FAM13A: variants seen among roughly 807,000 people sequenced by gnomAD.
The protein encoded by FAM13A is protein FAM13A.
In FAM13A, 76 loss-of-function variants were observed where a neutral mutation model predicts 129.6. The observed-to-expected ratio is 0.59, with a 90% CI of 0.49 to 0.71. FAM13A has a LOEUF of 0.71. FAM13A is among the 30% of genes least tolerant of loss of function. FAM13A has a pLI of 0.00. For missense variants in FAM13A, 1,108 were observed against 1,249.3 expected, an observed-to-expected ratio of 0.89 and a Z score of 1.70; for synonymous variants, 443 against 449.9, an observed-to-expected ratio of 0.98 and a Z score of 0.20.
At chr4:88,780,707 A>G (rs1273399407) in intron 11 of FAM13A, among the ~76,000 whole-genome samples, 1 of 152,176 alleles carries the variant, frequency 6.6e-6, no homozygotes, top group East Asian at 1.9e-4. Context: ...AAGAGTACAG[A>G]TTTGAAACAA....
intron 4 of FAM13A, among the ~76,000 whole-genome samples, chr4:88,971,452 G>A (rs1760070605): frequency 6.6e-6 from 1 of 152,090 alleles, no homozygotes; most frequent in African/African-American, 2.4e-5. Context: ...GAACTGTTCT[G>A]AAAGACTGGG....
chr4:88,978,672 T>C (rs564779717), intron 4 of FAM13A, among the ~76,000 whole-genome samples: 55 of 152,126 alleles, frequency 3.6e-4, no homozygotes, highest in African/African-American at 1.1e-3. Flanking sequence ...TGGGCGCCTG[T>C]AGTCCCAGCT....
chr4:88,950,619 T>C (rs1174002174), intron 4 of FAM13A, among the ~76,000 whole-genome samples: 1 of 152,208 alleles, frequency 6.6e-6, no homozygotes, highest in East Asian at 1.9e-4. Flanking sequence ...GGGCTTGTTT[T>C]AATCCACTAC....
intron 3 of FAM13A, among the ~76,000 whole-genome samples, chr4:88,994,104 T>A (rs1763251597): frequency 1.3e-5 from 2 of 152,300 alleles, no homozygotes; most frequent in South Asian, 4.1e-4. Context: ...TTCCACAGCA[T>A]TTTTGTTTCC....
intron 1 of FAM13A, among the ~76,000 whole-genome samples, chr4:89,046,024 C>CAAAAAAAAAAAAAAAAAAAAAA: frequency 9.7e-6 from 1 of 103,476 alleles, no homozygotes; most frequent in Non-Finnish European, 2.0e-5. Flanking sequence ...AACTCCATCT[C>CAAAAAAAAAAAAAAAAAAAAAA]AAAAAAAAAA....
At chr4:88,979,672 G>C (rs1761398451) in intron 4 of FAM13A, among the ~76,000 whole-genome samples, 1 of 152,020 alleles carries the variant, frequency 6.6e-6, no homozygotes, top group African/African-American at 2.4e-5. Context: ...TATTATTATT[G>C]CCAAGAAAAA....
At chr4:88,873,731 A>G (rs926803328) in intron 6 of FAM13A, among the ~76,000 whole-genome samples, 1 of 152,228 alleles carries the variant, frequency 6.6e-6, no homozygotes, top group Non-Finnish European at 1.5e-5. Context: ...AGCTGGTACC[A>G]TTCCTTCTGA....
intron 21 of FAM13A, 185 bp from the exon 22 acceptor site, chr4:88,732,383 CATTTA>C: frequency 2.2e-6 from 1 of 452,374 alleles, no homozygotes; most frequent in Non-Finnish European, 3.9e-6. Flanking sequence ...TAAATATACA[CATTTA>C]ATAACACAAT....
intron 7 of FAM13A, among the ~76,000 whole-genome samples, chr4:88,849,361 A>G (rs1244647877): frequency 6.6e-6 from 1 of 152,100 alleles, no homozygotes; most frequent in Admixed American, 6.6e-5. Context: ...CTAACTCCCT[A>G]TGGTATCTAT....
intron 3 of FAM13A, among the ~76,000 whole-genome samples, chr4:88,994,528 C>T (rs528021341): frequency 2.0e-5 from 3 of 152,204 alleles, no homozygotes; most frequent in Admixed American, 6.5e-5. Context: ...TGCCTTCTGA[C>T]GCTTGCGAGA....
At chr4:88,737,659 TGC>T in intron 20 of FAM13A, 104 bp from the exon 21 acceptor site, 1 of 870,130 alleles carries the variant, frequency 1.1e-6, no homozygotes, top group Non-Finnish European at 1.9e-6. Flanking sequence ...CTTTTAACTC[TGC>T]ATTCTTATCC....
At chr4:88,778,724 G>C (rs1722266711) in intron 11 of FAM13A, among the ~76,000 whole-genome samples, 1 of 152,152 alleles carries the variant, frequency 6.6e-6, no homozygotes, top group Non-Finnish European at 1.5e-5. Flanking sequence ...AGAACTCAAT[G>C]GCTTCTCATC....
intron 14 of FAM13A, among the ~76,000 whole-genome samples, chr4:88,756,640 T>A (rs1743704216): frequency 6.6e-6 from 1 of 152,180 alleles, no homozygotes; most frequent in Non-Finnish European, 1.5e-5. Flanking sequence ...TGCACTGGCT[T>A]CACATTCACA....
At chr4:88,987,195 C>T (rs571414293) in intron 4 of FAM13A, among the ~76,000 whole-genome samples, 393 of 151,918 alleles carry the variant, frequency 2.6e-3, no homozygotes, top group African/African-American at 9.2e-3. Flanking sequence ...CAAGGGAAAG[C>T]TCTTCTTTAT....
chr4:88,921,440 C>G (rs1413740708), intron 5 of FAM13A, among the ~76,000 whole-genome samples: 2 of 152,112 alleles, frequency 1.3e-5, no homozygotes, highest in African/African-American at 4.8e-5. Flanking sequence ...AATTTCATAT[C>G]CAGCCAAACT....
At chr4:88,928,310 T>C (rs1454019919) in intron 5 of FAM13A, among the ~76,000 whole-genome samples, 1 of 152,152 alleles carries the variant, frequency 6.6e-6, no homozygotes, top group African/African-American at 2.4e-5. Flanking sequence ...GTATATTCCA[T>C]AGTTGTTGGG....
At chr4:88,945,463 CT>C (rs1388740133) in intron 4 of FAM13A, among the ~76,000 whole-genome samples, 1 of 152,122 alleles carries the variant, frequency 6.6e-6, no homozygotes, top group Non-Finnish European at 1.5e-5. Context: ...TCTTGCCCCT[CT>C]TAATTTTTCC....
intron 11 of FAM13A, among the ~76,000 whole-genome samples, chr4:88,777,296 C>A (rs1350922696): frequency 1.3e-5 from 2 of 152,014 alleles, no homozygotes; most frequent in African/African-American, 4.8e-5. Flanking sequence ...CTTACTTTGT[C>A]ATTTGAGCAG....
At chr4:89,043,489 T>C (rs1049995592) in intron 1 of FAM13A, among the ~76,000 whole-genome samples, 3 of 152,100 alleles carry the variant, frequency 2.0e-5, no homozygotes, top group Admixed American at 6.5e-5. Context: ...CCATTATTAC[T>C]ATACCCCATA....
Sources: gnomAD v4.1 joint callset for allele counts (sites outside exome capture counted in the v4.1 genomes callset) on GRCh38, gnomAD v4.1.1 for gene constraint, MANE v1.5 for transcripts, NCBI Gene and HGNC (gene_info 2026-07-23, HGNC 2026-07-21) for gene names.